DPP6: variants seen among roughly 807,000 people sequenced by gnomAD.
DPP6 encodes dipeptidyl peptidase like 6, also known as A-type potassium channel modulatory protein DPP6.
A neutral mutation model predicts 122.6 loss-of-function variants in DPP6; 69 were observed. The observed-to-expected ratio is 0.56, with a 90% confidence interval of 0.46 to 0.69. The LOEUF is 0.69. DPP6 is among the 30% of genes least tolerant of loss of function. The pLI, the probability that DPP6 is intolerant of heterozygous loss-of-function variation, is 0.00. For synonymous variants in DPP6, 418 were observed against 433.1 expected, an observed-to-expected ratio of 0.97 and a Z score of 0.43; for missense variants, 928 against 1,116.9, an observed-to-expected ratio of 0.83 and a Z score of 2.41.
At chr7:154,246,229 T>C (rs985336014) in intron 1 of DPP6, among the ~76,000 whole-genome samples, 1 of 152,086 alleles carries the variant, frequency 6.6e-6, no homozygotes, top group Non-Finnish European at 1.5e-5. Flanking sequence ...CAAGGCTTTC[T>C]GGATACAGCT....
At chr7:154,642,305 C>T (rs538060100) in intron 6 of DPP6, among the ~76,000 whole-genome samples, 4 of 152,172 alleles carry the variant, frequency 2.6e-5, no homozygotes, top group East Asian at 1.9e-4. Context: ...TAATAGTGCC[C>T]ACTTTGGCCT....
intron 1 of DPP6, among the ~76,000 whole-genome samples, chr7:154,023,857 A>G (rs2129052836): frequency 6.6e-6 from 1 of 151,582 alleles, no homozygotes; most frequent in Admixed American, 6.6e-5. Context: ...GAATGTTTTA[A>G]TTATGCAAAA....
the DPP6 span, among the ~76,000 whole-genome samples, chr7:153,785,529 C>T: frequency 3.9e-5 from 6 of 152,088 alleles, no homozygotes; most frequent in South Asian, 1.2e-3. Flanking sequence ...TTTCATTTTT[C>T]CGAATTTACT....
At chr7:154,137,448 C>T (rs936247138) in intron 1 of DPP6, among the ~76,000 whole-genome samples, 2 of 151,592 alleles carry the variant, frequency 1.3e-5, no homozygotes, top group African/African-American at 4.9e-5. Flanking sequence ...AATGTCTTCC[C>T]CCCATACACC....
intron 3 of DPP6, among the ~76,000 whole-genome samples, chr7:154,489,887 G>A (rs551780143): frequency 1.3e-5 from 2 of 150,080 alleles, no homozygotes; most frequent in South Asian, 4.1e-4. Context: ...CCAAACGAAA[G>A]ATACGTTTCT....
intron 1 of DPP6, among the ~76,000 whole-genome samples, chr7:154,289,233 T>A (rs1296465039): frequency 6.6e-6 from 1 of 152,164 alleles, no homozygotes; most frequent in Non-Finnish European, 1.5e-5. Context: ...GATGGAAAAA[T>A]ATTTCCGAGA....
chr7:154,580,150 T>TAC (rs35398601), intron 5 of DPP6, among the ~76,000 whole-genome samples: 54,255 of 138,534 alleles, frequency 0.39, 10,595 homozygotes, highest in Non-Finnish European at 0.45. Context: ...CTCTCCCCCT[T>TAC]ACACACACAC....
At chr7:154,426,012 A>T (rs912905658) in intron 1 of DPP6, among the ~76,000 whole-genome samples, 1 of 152,156 alleles carries the variant, frequency 6.6e-6, no homozygotes, top group Non-Finnish European at 1.5e-5. Context: ...AAAACAAAAG[A>T]TGAGATTTTA....
chr7:154,242,916 G>C (rs1801721473), intron 1 of DPP6, among the ~76,000 whole-genome samples: 1 of 152,226 alleles, frequency 6.6e-6, no homozygotes, highest in African/African-American at 2.4e-5. Context: ...ACCACCAGGA[G>C]ATGCTGGAGC....
intron 8 of DPP6, among the ~76,000 whole-genome samples, chr7:154,761,416 G>C (rs1795546363): frequency 6.6e-6 from 1 of 152,250 alleles, no homozygotes; most frequent in Admixed American, 6.5e-5. Flanking sequence ...TTCAGAGTGA[G>C]TGACCCAAGC....
At chr7:154,070,062 A>G (rs1309532233) in intron 1 of DPP6, among the ~76,000 whole-genome samples, 2 of 151,992 alleles carry the variant, frequency 1.3e-5, no homozygotes, top group Non-Finnish European at 2.9e-5. Flanking sequence ...AAAACAAAAC[A>G]CAACAGTTTC....
At chr7:153,780,782 C>T in the DPP6 span, among the ~76,000 whole-genome samples, 1 of 152,020 alleles carries the variant, frequency 6.6e-6, no homozygotes, top group Non-Finnish European at 1.5e-5. Flanking sequence ...TTACAGTGGC[C>T]AGAACGTGTT....
chr7:154,634,201 C>G (rs919184060), intron 5 of DPP6, among the ~76,000 whole-genome samples: 1 of 133,398 alleles, frequency 7.5e-6, no homozygotes, highest in Non-Finnish European at 1.6e-5. Context: ...GTGATTTTCC[C>G]CTTCCTGAGT....
intron 5 of DPP6, among the ~76,000 whole-genome samples, chr7:154,627,880 C>G (rs35016309): frequency 0.42 from 63,675 of 152,028 alleles, 13,908 homozygotes; most frequent in African/African-American, 0.55. Flanking sequence ...GGGAAGGGGG[C>G]AGTGTGGGTT....
chr7:153,987,749 G>A (rs372511202), intron 1 of DPP6, among the ~76,000 whole-genome samples: 2 of 152,148 alleles, frequency 1.3e-5, no homozygotes, highest in East Asian at 1.9e-4. Flanking sequence ...GTTTCCCCTT[G>A]GTACCATTGA....
the DPP6 span, among the ~76,000 whole-genome samples, chr7:153,782,144 C>T: frequency 6.6e-6 from 1 of 151,872 alleles, no homozygotes; most frequent in South Asian, 2.1e-4. Context: ...TAACCCCAGC[C>T]CCATCTTTTG....
intron 5 of DPP6, among the ~76,000 whole-genome samples, chr7:154,598,587 G>T (rs564710529): frequency 6.6e-6 from 1 of 152,192 alleles, no homozygotes; most frequent in Non-Finnish European, 1.5e-5. Context: ...TAGACAAAAG[G>T]CTGCAGTTAT....
In DPP6 at chr7:154,772,856, G is replaced by T; in HGVS notation, c.1050G>T (p.Glu350Asp). The change falls in exon 10 of 26, where the codon GAG (glutamate) becomes GAT (aspartate). Residue 350 changes from glutamate (E) to aspartate (D), a missense_variant. Transcript: ENST00000377770. ...TTTTTAATCCCCAGGCTGGAAGTGAGAACCCCAGCATTTCCCTACACGTTA... is the reference window on the plus strand; with the variant it reads ...TTTTTAATCCCCAGGCTGGAAGTGATAACCCCAGCATTTCCCTACACGTTA... ...KPYHYPKAGSENPSISLHVIG... is the reference protein window; with the variant it reads ...KPYHYPKAGSDNPSISLHVIG... 2.5e-6 allele frequency: 4 copies of T among 1,612,388 alleles called. No homozygotes were observed. The highest frequency in any genetic ancestry group is 3.4e-6 in the Non-Finnish European group (4 of 1,179,506).
chr7:154,358,568 G>A (rs1185027260), intron 1 of DPP6, among the ~76,000 whole-genome samples: 5 of 152,164 alleles, frequency 3.3e-5, no homozygotes, highest in South Asian at 4.1e-4. Context: ...GGCACTCGAC[G>A]TGTGGGGGCA....
Sources: gnomAD v4.1 joint callset for allele counts (sites outside exome capture counted in the v4.1 genomes callset) on GRCh38, gnomAD v4.1.1 for gene constraint, MANE v1.5 for transcripts, NCBI Gene and HGNC (gene_info 2026-07-23, HGNC 2026-07-21) for gene names.